Variants in SH3GL2 observed in about 807,000 individuals in gnomAD.
SH3GL2 encodes the protein endophilin-A1.
In SH3GL2, 24 loss-of-function variants were observed where a neutral mutation model predicts 46.0. The ratio of observed to expected loss-of-function variants is 0.52; its 90% CI spans 0.38 to 0.73. SH3GL2 has a LOEUF of 0.73. Ranked by LOEUF, SH3GL2 falls within the 30% of genes least tolerant of loss-of-function variation. The pLI, the probability that SH3GL2 is intolerant of heterozygous loss-of-function variation, is 0.00. For synonymous variants in SH3GL2, 196 were observed against 147.1 expected (o/e 1.33, Z -2.40); for missense variants, 413 against 424.2 (o/e 0.97, Z 0.23).
At chr9:17,714,954 G>C (rs1015524118) in intron 1 of SH3GL2, among the ~76,000 whole-genome samples, 1 of 151,646 alleles carries the variant, frequency 6.6e-6, no homozygotes, top group Non-Finnish European at 1.5e-5. Context: ...CTGAAAGTAA[G>C]TCTTTATGTT....
chr9:17,711,747 A>T (rs1409280684), intron 1 of SH3GL2, among the ~76,000 whole-genome samples: 1 of 151,872 alleles, frequency 6.6e-6, no homozygotes, highest in Admixed American at 6.6e-5. Context: ...TCAGCTTTGG[A>T]GAATTATAAA....
chr9:17,761,745 C>A (rs540993131), intron 3 of SH3GL2, among the ~76,000 whole-genome samples: 1 of 152,254 alleles, frequency 6.6e-6, no homozygotes, highest in African/African-American at 2.4e-5. Context: ...GTATATTTAA[C>A]AAATAATGTA....
intron 1 of SH3GL2, among the ~76,000 whole-genome samples, chr9:17,687,251 G>A (rs552787123): frequency 6.6e-5 from 10 of 152,008 alleles, no homozygotes; most frequent in South Asian, 2.1e-4. Context: ...AAGCAGTTAC[G>A]TTTTCATTGA....
At chr9:17,724,021 A>G (rs920663146) in intron 1 of SH3GL2, among the ~76,000 whole-genome samples, 12 of 152,074 alleles carry the variant, frequency 7.9e-5, no homozygotes, top group Admixed American at 5.2e-4. Context: ...ATAGATTAGC[A>G]TTTTTCATCA....
At chr9:17,750,841 A>G (rs1053769127) in intron 2 of SH3GL2, among the ~76,000 whole-genome samples, 2 of 152,224 alleles carry the variant, frequency 1.3e-5, no homozygotes, top group African/African-American at 2.4e-5. Context: ...TTAAGGCAGT[A>G]TCCCTGCCTT....
chr9:17,786,453 C>T lies in SH3GL2; in HGVS notation c.260C>T (p.Pro87Leu). The T allele has an allele frequency of 6.2e-7, 1 of 1,613,482 alleles. No homozygotes were observed. Among genetic ancestry groups the T allele is most frequent in the Non-Finnish European group, 8.5e-7 (1 of 1,179,608 alleles). The change falls in exon 4 of 9, where the codon CCT becomes CTT. Residue 87 changes from proline (P) to leucine (L), a missense_variant. Pro to Leu is a moderately conservative substitution (Grantham distance 98). Transcript: ENST00000380607. ...IRGQEKGPGY[P>L]QAEALLAEAM... ...GGCCAGGAGAAGGGGCCAGGCTATC[C>T]TCAGGCAGAGGCGCTGCTGGCAGAG...
intron 1 of SH3GL2, among the ~76,000 whole-genome samples, chr9:17,742,801 A>G (rs140212595): frequency 7.4e-4 from 112 of 152,272 alleles, no homozygotes; most frequent in African/African-American, 2.5e-3. Flanking sequence ...TGAACCATCA[A>G]TGTTTTTAGG....
At chr9:17,602,658 C>T (rs180748292) in intron 1 of SH3GL2, among the ~76,000 whole-genome samples, 26 of 152,284 alleles carry the variant, frequency 1.7e-4, no homozygotes, top group East Asian at 9.7e-4. Context: ...ATAAACAAAA[C>T]GCTAACAAGA....
intron 1 of SH3GL2, among the ~76,000 whole-genome samples, chr9:17,603,840 G>C (rs1156270627): frequency 1.3e-5 from 2 of 152,092 alleles, no homozygotes; most frequent in African/African-American, 4.8e-5. Flanking sequence ...ACTCCAGCCT[G>C]GGCAACAAGA....
chr9:17,680,487 A>AT, intron 1 of SH3GL2, among the ~76,000 whole-genome samples: 1 of 151,766 alleles, frequency 6.6e-6, no homozygotes, highest in East Asian at 1.9e-4. Flanking sequence ...CCCCTTTATC[A>AT]TTTTTTATTG....
intron 3 of SH3GL2, among the ~76,000 whole-genome samples, chr9:17,772,048 G>A (rs933654548): frequency 1.3e-5 from 2 of 152,274 alleles, no homozygotes; most frequent in East Asian, 3.9e-4. Flanking sequence ...AAACAGCAGA[G>A]CACATTGGTA....
intron 1 of SH3GL2, among the ~76,000 whole-genome samples, chr9:17,638,193 C>T (rs1205638790): frequency 1.3e-5 from 2 of 151,956 alleles, no homozygotes; most frequent in East Asian, 1.9e-4. Flanking sequence ...CCACTGATTT[C>T]ATAGCACTGA....
intron 1 of SH3GL2, among the ~76,000 whole-genome samples, chr9:17,587,168 C>G (rs565227869): frequency 1.3e-5 from 2 of 152,274 alleles, no homozygotes; most frequent in African/African-American, 4.8e-5. Flanking sequence ...CACCGTTGCA[C>G]TCCAGCCTGG....
At chr9:17,675,067 C>T (rs145671278) in intron 1 of SH3GL2, among the ~76,000 whole-genome samples, 3 of 152,294 alleles carry the variant, frequency 2.0e-5, no homozygotes, top group Non-Finnish European at 1.5e-5. Context: ...CTTACTAGAA[C>T]TGAATTGACG....
chr9:17,592,502 T>G (rs1275498137), intron 1 of SH3GL2, among the ~76,000 whole-genome samples: 1 of 152,316 alleles, frequency 6.6e-6, no homozygotes. Context: ...AAAACAAAAT[T>G]AAGTCCTGGA....
intron 2 of SH3GL2, among the ~76,000 whole-genome samples, chr9:17,757,435 T>A (rs1223264388): frequency 6.6e-6 from 1 of 151,946 alleles, no homozygotes; most frequent in Non-Finnish European, 1.5e-5. Context: ...ATATCCAGAA[T>A]CTACAAAGAA....
chr9:17,665,611 C>G lies in SH3GL2; in HGVS notation c.46-81455C>G, dbSNP rs73645121. Among the ~76,000 whole-genome samples, 541 of 152,100 alleles carry G rather than the reference C, an allele frequency of 3.6e-3. 2 individuals are homozygous for G. The highest frequency in any genetic ancestry group is 0.012 in the African/African-American group (515 of 41,482). On this transcript the variant is annotated intron_variant, in intron 1 of 8. Coordinates refer to ENST00000380607, the MANE Select transcript of SH3GL2 (RefSeq NM_003026.5). Reference sequence around the variant, plus strand: ...TTCTGATGCTCAAATTGTTACAAATCTGGCCAGTAAGAGCCCCGTCAGCTT... The same window carrying G: ...TTCTGATGCTCAAATTGTTACAAATGTGGCCAGTAAGAGCCCCGTCAGCTT...
intron 1 of SH3GL2, among the ~76,000 whole-genome samples, chr9:17,708,703 T>G (rs1463636045): frequency 6.6e-6 from 1 of 152,096 alleles, no homozygotes; most frequent in East Asian, 1.9e-4. Context: ...AGGTTTGTTA[T>G]GTGAAAGCAG....
chr9:17,653,293 T>C (rs935009996), intron 1 of SH3GL2, among the ~76,000 whole-genome samples: 3 of 152,202 alleles, frequency 2.0e-5, no homozygotes, highest in Admixed American at 6.5e-5. Flanking sequence ...CTTATTTTTT[T>C]CCCTCAGTTC....
Sources: allele counts gnomAD v4.1 joint callset (sites outside exome capture counted in the v4.1 genomes callset), GRCh38; gene constraint gnomAD v4.1.1; transcripts MANE v1.5; gene names NCBI Gene and HGNC (gene_info 2026-07-23, HGNC 2026-07-21).